Variants in THRB observed in about 807,000 individuals in gnomAD.
THRB encodes the protein thyroid hormone receptor beta, also known as nuclear receptor subfamily 1 group A member 2.
In THRB, 12 loss-of-function variants were observed where a neutral mutation model predicts 47.8. That is an observed-to-expected ratio of 0.25 (90% confidence interval 0.16 to 0.41). The LOEUF is 0.41. Ranked by LOEUF, THRB falls within the 10% of genes least tolerant of loss-of-function variation. THRB has a pLI of 1.00. For missense variants in THRB, 348 were observed against 589.2 expected (o/e 0.59, Z 4.24); for synonymous variants, 218 against 212.2 (o/e 1.03, Z -0.24).
intron 1 of THRB, among the ~76,000 whole-genome samples, chr3:24,398,573 A>T (rs1485980554): frequency 6.6e-6 from 1 of 152,158 alleles, no homozygotes; most frequent in African/African-American, 2.4e-5. Flanking sequence ...AAAAGTCAGG[A>T]AACAACAGGT....
chr3:24,244,479 G>A (rs901032091), intron 3 of THRB, among the ~76,000 whole-genome samples: 2 of 152,120 alleles, frequency 1.3e-5, no homozygotes, highest in African/African-American at 4.8e-5. Flanking sequence ...GAAACTTCTT[G>A]ATCAAGGCCT....
chr3:24,228,133 CA>C lies in THRB; in HGVS notation c.22+804del, dbSNP rs2047862766. Among the ~76,000 whole-genome samples the C allele has an allele frequency of 2.0e-5, 3 of 152,106 alleles. No individual in the cohort carries two copies. In the South Asian group the frequency reaches 6.2e-4, roughly 32 times the overall value. ...GAGATGGCTTCCTTTTAGAGAGAAC[CA>C]GAGTTCTCCAGCTTTGTTTACTTGT... On this transcript the variant is annotated intron_variant, in intron 4 of 10. Transcript: ENST00000646209.
intron 4 of THRB, among the ~76,000 whole-genome samples, chr3:24,197,591 A>G (rs995556061): frequency 6.6e-6 from 1 of 152,264 alleles, no homozygotes; most frequent in Non-Finnish European, 1.5e-5. Context: ...GCACAATGCT[A>G]TAACATGATG....
chr3:24,420,803 AC>A (rs1018759465), intron 1 of THRB, among the ~76,000 whole-genome samples: 10 of 152,042 alleles, frequency 6.6e-5, no homozygotes, highest in African/African-American at 1.9e-4. Flanking sequence ...TTTCCCAAAG[AC>A]CTAAAAACAG....
chr3:24,396,797 G>A lies in THRB; in HGVS notation c.-260-59426C>T, dbSNP rs541353223. Among the ~76,000 whole-genome samples, 8 of 152,164 alleles carry A rather than the reference G, an allele frequency of 5.3e-5. No homozygotes were observed. The South Asian group carries it at 6.2e-4, about 12-fold the overall frequency. ...GAGGAGTTTCACTTTGGTTCTTTTC[G>A]TTTAAAATCCCAAAGTTTCACAACT... On this transcript the variant is annotated intron_variant, in intron 1 of 10. Coordinates refer to ENST00000646209, the MANE Select transcript of THRB (RefSeq NM_001354712.2).
chr3:24,491,679 G>A (rs1404286224), intron 1 of THRB, among the ~76,000 whole-genome samples: 1 of 152,166 alleles, frequency 6.6e-6, no homozygotes, highest in Non-Finnish European at 1.5e-5. Context: ...GCACTGGTTG[G>A]TCCACTTAGG....
chr3:24,208,248 A>C (rs1301079956), intron 4 of THRB, among the ~76,000 whole-genome samples: 1 of 152,180 alleles, frequency 6.6e-6, no homozygotes, highest in Non-Finnish European at 1.5e-5. Flanking sequence ...AGGAAGAATC[A>C]ATATTGTGAA....
At chr3:24,251,301 TAAAAG>T (rs1330376218) in intron 3 of THRB, among the ~76,000 whole-genome samples, 1 of 151,958 alleles carries the variant, frequency 6.6e-6, no homozygotes, top group Non-Finnish European at 1.5e-5. Flanking sequence ...GAACCACAGA[TAAAAG>T]AAAGCTGAAA....
chr3:24,272,377 A>ACAAACAAAAAC (rs1559791569), intron 3 of THRB, among the ~76,000 whole-genome samples: 2 of 146,006 alleles, frequency 1.4e-5, no homozygotes, highest in Non-Finnish European at 3.0e-5. Flanking sequence ...ACAACAAACA[A>ACAAACAAAAAC]AAACAAACAA....
At chr3:24,286,106 G>T (rs1323617952) in intron 3 of THRB, among the ~76,000 whole-genome samples, 2 of 152,160 alleles carry the variant, frequency 1.3e-5, no homozygotes, top group Non-Finnish European at 2.9e-5. Context: ...TGCAAACCAG[G>T]AAGTGGGCCC....
At chr3:24,336,954 C>A (rs2062301152) in intron 2 of THRB, among the ~76,000 whole-genome samples, 1 of 152,062 alleles carries the variant, frequency 6.6e-6, no homozygotes, top group African/African-American at 2.4e-5. Flanking sequence ...GATCTCCTGA[C>A]CTCATGATCC....
rs151295094 is a variant in THRB, at chr3:24,176,944, A to G, written c.283+13130T>C. The stretch of plus-strand genomic sequence containing the variant: ...AAACAGGGGAATTTGATGGCATGTA[A>G]ATTATATCTCAGTGAAGCTTTACAA... On this transcript the variant is annotated intron_variant, in intron 5 of 10. Coordinates refer to ENST00000646209, the MANE Select transcript of THRB (RefSeq NM_001354712.2). 8.5e-5 allele frequency among the ~76,000 whole-genome samples: 13 copies of G among 152,328 alleles called. No individual in the cohort carries two copies. In the East Asian group the frequency reaches 2.5e-3, roughly 29 times the overall value.
intron 4 of THRB, among the ~76,000 whole-genome samples, chr3:24,228,010 A>AT (rs2047847849): frequency 6.6e-6 from 1 of 152,154 alleles, no homozygotes; most frequent in Non-Finnish European, 1.5e-5. Flanking sequence ...AATTTGGGAT[A>AT]TTTCATTTAA....
chr3:24,163,788 C>A lies in THRB; in HGVS notation c.284-11298G>T, dbSNP rs1011061802. Among the ~76,000 whole-genome samples, 4 of 152,062 alleles carry A rather than the reference C, an allele frequency of 2.6e-5. No homozygotes were observed. In the East Asian group the frequency reaches 7.7e-4, roughly 29 times the overall value. On this transcript the variant is annotated intron_variant, in intron 5 of 10. Transcript: ENST00000646209. ...CTCTAAATATATTTCATGCTGTAAT[C>A]CCCTTAATATTTCATGATTGGAAGT...
intron 2 of THRB, among the ~76,000 whole-genome samples, chr3:24,309,894 A>G (rs886154694): frequency 1.3e-5 from 2 of 152,204 alleles, no homozygotes; most frequent in African/African-American, 2.4e-5. Context: ...CCATTCCCCT[A>G]TTCAGTGCTG....
At chr3:24,235,425 T>C (rs2048758618) in intron 3 of THRB, among the ~76,000 whole-genome samples, 1 of 152,182 alleles carries the variant, frequency 6.6e-6, no homozygotes, top group South Asian at 2.1e-4. Flanking sequence ...TCACAGCTCA[T>C]CATCAACCTT....
At chr3:24,282,979 T>C (rs1043382548) in intron 3 of THRB, among the ~76,000 whole-genome samples, 2 of 151,888 alleles carry the variant, frequency 1.3e-5, no homozygotes, top group African/African-American at 4.8e-5. Flanking sequence ...ACCAGATGGA[T>C]TCACAGCCGA....
chr3:24,359,700 A>G (rs529898830), intron 1 of THRB, among the ~76,000 whole-genome samples: 13 of 152,296 alleles, frequency 8.5e-5, no homozygotes, highest in African/African-American at 2.6e-4. Context: ...ATTCAAAACT[A>G]TAAGTATTTT....
rs113595699 is a variant in THRB, at chr3:24,472,724, T to C, written c.-261+21928A>G. Among the ~76,000 whole-genome samples, 300 of 152,266 alleles carry C rather than the reference T, an allele frequency of 2.0e-3. 4 individuals carry two copies. In the South Asian group the frequency reaches 0.031, roughly 16 times the overall value. ...GTGAGCTTCCAGATTTGGCAGACAGTTGAGTAATAATGGAAGGGAACACTA... is the reference window on the plus strand; with the variant it reads ...GTGAGCTTCCAGATTTGGCAGACAGCTGAGTAATAATGGAAGGGAACACTA... On this transcript the variant is annotated intron_variant, in intron 1 of 10. Transcript: ENST00000646209.
Sources: allele counts gnomAD v4.1 joint callset (sites outside exome capture counted in the v4.1 genomes callset), GRCh38; gene constraint gnomAD v4.1.1; transcripts MANE v1.5; gene names NCBI Gene and HGNC (gene_info 2026-07-23, HGNC 2026-07-21).